Variants in WDR70 observed in about 807,000 individuals in gnomAD.
WDR70 encodes the protein WD repeat-containing protein 70.
WDR70 carries 53 observed loss-of-function variants against 88.6 expected under a neutral mutation model. That is an observed-to-expected ratio of 0.60 (90% CI 0.48 to 0.75). The LOEUF is 0.75. WDR70 is among the 30% of genes least tolerant of loss of function. The pLI is 0.00. For missense variants in WDR70, 610 were observed against 823.2 expected, an observed-to-expected ratio of 0.74 and a Z score of 3.17; for synonymous variants, 280 against 270.0, an observed-to-expected ratio of 1.04 and a Z score of -0.36.
At chr5:37,633,093 C>A (rs1744864070) in intron 10 of WDR70, among the ~76,000 whole-genome samples, 1 of 152,080 alleles carries the variant, frequency 6.6e-6, no homozygotes, top group Non-Finnish European at 1.5e-5. Context: ...GTAAGTCTTA[C>A]CATCTATGTT....
At chr5:37,429,596 G>A (rs1361190204) in intron 5 of WDR70, among the ~76,000 whole-genome samples, 2 of 152,030 alleles carry the variant, frequency 1.3e-5, no homozygotes, top group Non-Finnish European at 2.9e-5. Context: ...TGTTTAAAAG[G>A]TCTTCTCATT....
intron 10 of WDR70, among the ~76,000 whole-genome samples, chr5:37,695,281 C>T (rs1283761911): frequency 6.6e-6 from 1 of 152,196 alleles, no homozygotes; most frequent in Non-Finnish European, 1.5e-5. Context: ...CCTCTGTGAT[C>T]TAGTCACCTC....
rs1042576525 is a variant in WDR70, at chr5:37,450,389, C to T, written c.686+7017C>T. ...AGCTGACAAAGCTAGGAAATACATG[C>T]GTGTATATTATACTAACCTATGTAT... On this transcript the variant is annotated intron_variant, in intron 7 of 17. Transcript: ENST00000265107. 9.9e-5 allele frequency among the ~76,000 whole-genome samples: 15 copies of T among 152,194 alleles called. No homozygotes were observed. The South Asian group carries it at 2.5e-3, about 25-fold the overall frequency.
intron 2 of WDR70, among the ~76,000 whole-genome samples, chr5:37,380,622 G>A (rs1289963961): frequency 1.3e-5 from 2 of 151,890 alleles, no homozygotes; most frequent in Non-Finnish European, 2.9e-5. Context: ...GATTACAGGC[G>A]TGAGCCACTG....
chr5:37,526,678 A>G (rs1188576847), intron 9 of WDR70, among the ~76,000 whole-genome samples: 1 of 152,226 alleles, frequency 6.6e-6, no homozygotes, highest in Non-Finnish European at 1.5e-5. Flanking sequence ...AATTAGAAAA[A>G]GAGGAAGTCA....
At chr5:37,625,759 C>T (rs1159765898) in intron 10 of WDR70, among the ~76,000 whole-genome samples, 2 of 152,034 alleles carry the variant, frequency 1.3e-5, no homozygotes, top group Non-Finnish European at 2.9e-5. Context: ...GAACTCCTGA[C>T]CTCAAGTGAT....
intron 9 of WDR70, among the ~76,000 whole-genome samples, chr5:37,547,702 C>A (rs1329159291): frequency 6.6e-6 from 1 of 152,048 alleles, no homozygotes; most frequent in African/African-American, 2.4e-5. Flanking sequence ...ACTATAGTAA[C>A]CCTGTTGTGC....
intron 13 of WDR70, among the ~76,000 whole-genome samples, chr5:37,706,603 C>T (rs1747330340): frequency 6.6e-6 from 1 of 152,146 alleles, no homozygotes; most frequent in Admixed American, 6.6e-5. Context: ...CACCTTCCAC[C>T]ATGATTGTAA....
intron 8 of WDR70, chr5:37,506,282 T>C: frequency 5.4e-6 from 5 of 924,404 alleles, no homozygotes; most frequent in Non-Finnish European, 7.3e-6. Flanking sequence ...CCTCTGGTGA[T>C]TGAGAATTCT....
chr5:37,636,394 T>C (rs924061650), intron 10 of WDR70, among the ~76,000 whole-genome samples: 56 of 152,364 alleles, frequency 3.7e-4, no homozygotes, highest in Non-Finnish European at 1.8e-4. Flanking sequence ...GTAACACTTA[T>C]TGTAATCAGG....
intron 10 of WDR70, among the ~76,000 whole-genome samples, chr5:37,671,461 A>AG (rs1250983894): frequency 6.6e-6 from 1 of 152,178 alleles, no homozygotes; most frequent in African/African-American, 2.4e-5. Context: ...AAAGATTAAT[A>AG]AACTGAAAAC....
chr5:37,653,544 A>G (rs1745464401), intron 10 of WDR70, among the ~76,000 whole-genome samples: 1 of 152,164 alleles, frequency 6.6e-6, no homozygotes, highest in Non-Finnish European at 1.5e-5. Context: ...CTCTGGTAGA[A>G]TTCTGCTGTG....
chr5:37,499,379 G>T (rs1247478119), intron 8 of WDR70, among the ~76,000 whole-genome samples: 1 of 151,950 alleles, frequency 6.6e-6, no homozygotes, highest in East Asian at 1.9e-4. Context: ...CTCCCAAAGT[G>T]CTGGGATTAC....
chr5:37,555,780 G>A (rs1287067707), intron 9 of WDR70, among the ~76,000 whole-genome samples: 6 of 152,034 alleles, frequency 3.9e-5, no homozygotes, highest in South Asian at 4.2e-4. Context: ...GTGCAGTAGC[G>A]TGATCTTGGC....
intron 8 of WDR70, among the ~76,000 whole-genome samples, chr5:37,485,535 G>A (rs867011379): frequency 2.6e-5 from 4 of 152,136 alleles, no homozygotes; most frequent in African/African-American, 9.7e-5. Flanking sequence ...GTGCTGCTTA[G>A]CATTCACAAG....
chr5:37,652,719 A>T (rs914079628), intron 10 of WDR70, among the ~76,000 whole-genome samples: 4 of 152,120 alleles, frequency 2.6e-5, no homozygotes, highest in Non-Finnish European at 5.9e-5. Context: ...ATGGGAGTTC[A>T]CTCATGATTT....
chr5:37,605,157 G>C lies in WDR70; in HGVS notation c.1011G>C (p.Thr337=), dbSNP rs199917467. The C allele has an allele frequency of 1.2e-6, 2 of 1,613,290 alleles. No individual in the cohort carries two copies. Among genetic ancestry groups the C allele is most frequent in the African/African-American group, 1.3e-5 (1 of 74,960 alleles). The change falls in exon 10 of 18, where the codon ACG becomes ACC. Residue 337 remains threonine, a synonymous_variant. Transcript: ENST00000265107. ...AAGGCAAAAAAGTCATTCCCACTAC[G>C]TGCACATATAGTAGAGATGGAAACC... The part of the protein sequence containing the change: ...TMQGKKVIPT[T]CTYSRDGNLI...
chr5:37,567,612 A>G (rs1215968750), intron 9 of WDR70, among the ~76,000 whole-genome samples: 1 of 151,984 alleles, frequency 6.6e-6, no homozygotes, highest in Non-Finnish European at 1.5e-5. Flanking sequence ...CTGAGTTTGG[A>G]CATGAGTTTT....
chr5:37,571,041 G>T (rs991202488), intron 9 of WDR70, among the ~76,000 whole-genome samples: 4 of 152,024 alleles, frequency 2.6e-5, no homozygotes, highest in African/African-American at 2.4e-5. Flanking sequence ...GGCATCTTGT[G>T]TTACTCATCT....
Sources: allele counts gnomAD v4.1 joint callset (sites outside exome capture counted in the v4.1 genomes callset), GRCh38; gene constraint gnomAD v4.1.1; transcripts MANE v1.5; gene names NCBI Gene and HGNC (gene_info 2026-07-23, HGNC 2026-07-21).